Variants in CPLX4 observed in about 807,000 individuals in gnomAD.
CPLX4 encodes the protein complexin-4.
Under a neutral mutation model 16.1 loss-of-function variants are expected in CPLX4, and 17 were observed. The ratio of observed to expected loss-of-function variants is 1.06; its 90% CI spans 0.72 to 1.59. The LOEUF is 1.59. Ranked by LOEUF, CPLX4 falls within the 40% of genes most tolerant of loss-of-function variation. The probability of loss-of-function intolerance (pLI) is 0.00; values close to 1 mark genes in which losing one functional copy is unlikely to be tolerated. For synonymous variants in CPLX4, 55 were observed against 57.8 expected (o/e 0.95, Z 0.22); for missense variants, 193 against 192.9 (o/e 1.00, Z 0.00).
At chr18:59,301,443 C>T (rs1286311847) in intron 2 of CPLX4, among the ~76,000 whole-genome samples, 2 of 152,242 alleles carry the variant, frequency 1.3e-5, no homozygotes, top group South Asian at 4.1e-4. Context: ...TCTAGAAGTA[C>T]AAGGCTACTG....
chr18:59,299,474 G>A (rs2070524755), intron 2 of CPLX4, among the ~76,000 whole-genome samples: 1 of 152,184 alleles, frequency 6.6e-6, no homozygotes, highest in South Asian at 2.1e-4. Context: ...AGGGGCTAGA[G>A]GAAAGCGTGT....
chr18:59,309,838 A>G (rs1309947780), intron 2 of CPLX4, among the ~76,000 whole-genome samples: 49 of 113,304 alleles, frequency 4.3e-4, no homozygotes, highest in Non-Finnish European at 7.1e-4. Flanking sequence ...AAAAAAAAAA[A>G]AAAAGAAAAA....
At chr18:59,301,766 T>G (rs1246117789) in intron 2 of CPLX4, among the ~76,000 whole-genome samples, 1 of 152,208 alleles carries the variant, frequency 6.6e-6, no homozygotes, top group African/African-American at 2.4e-5. Flanking sequence ...AATGAAAGAT[T>G]GTGGGATTTG....
At chr18:59,311,181 G>C (rs1472642631) in intron 2 of CPLX4, among the ~76,000 whole-genome samples, 1 of 152,172 alleles carries the variant, frequency 6.6e-6, no homozygotes, top group Non-Finnish European at 1.5e-5. Context: ...AAAGTGGAAA[G>C]GACAGTGTTT....
intron 1 of CPLX4, 131 bp from the exon 2 acceptor site, chr18:59,312,903 G>T (rs1016116001): frequency 3.9e-6 from 2 of 510,514 alleles, no homozygotes; most frequent in Non-Finnish European, 3.4e-6. Flanking sequence ...GGAACTATGG[G>T]ATTTTTTTCC....
intron 2 of CPLX4, among the ~76,000 whole-genome samples, chr18:59,299,532 G>A (rs1423962928): frequency 2.0e-5 from 3 of 152,112 alleles, no homozygotes; most frequent in Non-Finnish European, 2.9e-5. Flanking sequence ...GAGGGCTCAC[G>A]GGATGGTGCT....
At position 59,318,643 on chromosome 18, in the gene CPLX4, G is replaced by C. The variant is rs924359004; in HGVS notation, c.-181C>G. 1.7e-6 allele frequency: 2 copies of C among 1,175,106 alleles called. No homozygotes were observed. The highest frequency in any genetic ancestry group is 2.0e-5 in the South Asian group (1 of 50,694). The allele number at this position is 1,175,106 out of a possible 1,614,324, so 72.8% of individuals were successfully genotyped here. Reference sequence around the variant, plus strand: ...GATAGAGAAGAGTGGTTTGTCGGCCGTAAGCTGGATTAAAGTGGTGAACTC... The same window carrying C: ...GATAGAGAAGAGTGGTTTGTCGGCCCTAAGCTGGATTAAAGTGGTGAACTC... On this transcript the variant is annotated 5_prime_UTR_variant, in exon 1 of 3. Transcript: ENST00000299721.
In CPLX4 at chr18:59,318,436, TATC is replaced by T. The variant is rs779130588; in HGVS notation, c.24_26del (p.Met8del). 2.5e-6 allele frequency: 4 copies of T among 1,611,524 alleles called. No individual in the cohort carries two copies. Among genetic ancestry groups the T allele is most frequent in the Admixed American group, 3.4e-5 (2 of 59,360 alleles). The stretch of plus-strand genomic sequence containing the variant: ...ATCCTAAATTCTTTACCTGGTTACT[TATC>T]ATACTTTTCATAAGGAAAGCCATTT... On this transcript the variant is annotated inframe_deletion, in exon 1 of 3. Coordinates refer to ENST00000299721, the MANE Select transcript of CPLX4 (RefSeq NM_181654.4).
chr18:59,303,747 C>T (rs2070557154), intron 2 of CPLX4, among the ~76,000 whole-genome samples: 1 of 152,198 alleles, frequency 6.6e-6, no homozygotes. Flanking sequence ...TCTTGAAATC[C>T]TGCTTCACTA....
In CPLX4 at chr18:59,310,044, A is replaced by G. The variant is rs150639286; in HGVS notation, c.255+2641T>C. Among the ~76,000 whole-genome samples, 138 of 152,118 alleles carry G rather than the reference A, an allele frequency of 9.1e-4. 1 individual carries two copies. Among genetic ancestry groups the G allele is most frequent in the African/African-American group, 3.3e-3 (135 of 41,492 alleles). On this transcript the variant is annotated intron_variant, in intron 2 of 2. Transcript: ENST00000299721. ...CTCAGGTGTAAAATGACGCAGTGGT[A>G]TGAGATTATTAGATGAGCTTTATGG...
chr18:59,313,709 A>G (rs1353242202), intron 1 of CPLX4, among the ~76,000 whole-genome samples: 1 of 152,232 alleles, frequency 6.6e-6, no homozygotes, highest in Non-Finnish European at 1.5e-5. Context: ...AAAATAACAG[A>G]TGAACTTGGT....
At chr18:59,318,133 G>A (rs1318782059) in intron 1 of CPLX4, among the ~76,000 whole-genome samples, 163 bp downstream of exon 1, 1 of 152,054 alleles carries the variant, frequency 6.6e-6, no homozygotes, top group Non-Finnish European at 1.5e-5. Context: ...TGATGTTAGG[G>A]AACCGTTTAC....
At chr18:59,301,204 G>T (rs188240324) in intron 2 of CPLX4, among the ~76,000 whole-genome samples, 2 of 152,356 alleles carry the variant, frequency 1.3e-5, no homozygotes, top group East Asian at 1.9e-4. Flanking sequence ...GGGCGTTTGG[G>T]GTCCTAAGCA....
In CPLX4 at chr18:59,296,726, G is replaced by C. The variant is rs1346133478; in HGVS notation, c.455C>G (p.Thr152Arg). ...AQATFTEIKQ[T>R]AEQKCSVM ...CATCACGGAACACTTCTGCTCCGCT[G>C]TCTGCTTGATTTCAGTGAAGGTGGC... The change falls in exon 3 of 3, where the codon ACA (threonine) becomes AGA (arginine). Residue 152 changes from threonine (T) to arginine (R), a missense_variant. By Grantham distance (71) the Thr-to-Arg change is moderately conservative (BLOSUM62 -1). Coordinates refer to ENST00000299721, the MANE Select transcript of CPLX4 (RefSeq NM_181654.4). 6.8e-6 allele frequency: 11 copies of C among 1,612,800 alleles called. No homozygotes were observed. The highest frequency in any genetic ancestry group is 1.7e-5 in the Admixed American group (1 of 59,854).
At chr18:59,312,553 TTATATATATATATATCTTGAA>T (rs924615249) in intron 2 of CPLX4, 111 bp downstream of exon 2, 4 of 189,018 alleles carry the variant, frequency 2.1e-5, no homozygotes, top group African/African-American at 2.6e-5. Flanking sequence ...ATATATATTT[TTATATATATATATATCTTGAA>T]TATATATATA....
intron 2 of CPLX4, among the ~76,000 whole-genome samples, chr18:59,311,222 A>G (rs2070614879): frequency 6.6e-6 from 1 of 152,238 alleles, no homozygotes; most frequent in Non-Finnish European, 1.5e-5. Flanking sequence ...AAATGCAAGC[A>G]CAGTGAGGAA....
At chr18:59,312,905 T>C in intron 1 of CPLX4, 133 bp from the exon 2 acceptor site, 1 of 506,844 alleles carries the variant, frequency 2.0e-6, no homozygotes, top group South Asian at 3.5e-5. Flanking sequence ...AACTATGGGA[T>C]TTTTTTCCTA....
chr18:59,315,741 A>G (rs2070646990), intron 1 of CPLX4, among the ~76,000 whole-genome samples: 1 of 152,140 alleles, frequency 6.6e-6, no homozygotes, highest in South Asian at 2.1e-4. Flanking sequence ...TCAAAGTTCA[A>G]TGTTTTTCAG....
At position 59,315,743 on chromosome 18, in the gene CPLX4, G is replaced by GC. The variant is rs568950878; in HGVS notation, c.167+2552_167+2553insG. Among the ~76,000 whole-genome samples, 298 of 152,192 alleles carry GC rather than the reference G, an allele frequency of 2.0e-3. 2 individuals carry two copies. The highest frequency in any genetic ancestry group is 6.8e-3 in the Middle Eastern group (2 of 294). On this transcript the variant is annotated intron_variant, in intron 1 of 2. Transcript: ENST00000299721. ...TGTTAAGTAGGGGTCAAAGTTCAAT[G>GC]TTTTTCAGTTGTTTAGCACCATTTG...
Sources: allele counts gnomAD v4.1 joint callset (sites outside exome capture counted in the v4.1 genomes callset), GRCh38; gene constraint gnomAD v4.1.1; transcripts MANE v1.5; gene names NCBI Gene and HGNC (gene_info 2026-07-23, HGNC 2026-07-21).